ADCY2: variants seen among roughly 807,000 people sequenced by gnomAD.
ADCY2 encodes the protein adenylate cyclase type 2.
ADCY2 carries 31 observed loss-of-function variants against 125.2 expected under a neutral mutation model. That is an observed-to-expected ratio of 0.25 (90% confidence interval 0.19 to 0.33). The LOEUF is 0.33. Among genes scored for constraint, ADCY2 ranks in the 10% least tolerant of loss-of-function variants. The probability of loss-of-function intolerance (pLI) is 1.00; values close to 1 mark genes in which losing one functional copy is unlikely to be tolerated. For missense variants in ADCY2, 904 were observed against 1,418.2 expected (o/e 0.64, Z 5.82); for synonymous variants, 512 against 548.4 (o/e 0.93, Z 0.93).
rs1229200083 is a variant in ADCY2, at chr5:7,789,697, G to A, written c.2525G>A (p.Arg842Gln). ...FLWKNKFKKE[R>Q]EEIETMENLN... Reference sequence around the variant, plus strand: ...TGGAAGAACAAATTCAAAAAAGAGCGGGAGGAGATAGAGACCATGGAGAAC... The same window carrying A: ...TGGAAGAACAAATTCAAAAAAGAGCAGGAGGAGATAGAGACCATGGAGAAC... The change falls in exon 20 of 25, where the codon CGG becomes CAG. Residue 842 changes from arginine (R) to glutamine (Q), a missense_variant. Arg to Gln is a conservative substitution (Grantham distance 43). Coordinates refer to ENST00000338316, the MANE Select transcript of ADCY2 (RefSeq NM_020546.3). The A allele has an allele frequency of 4.3e-6, 7 of 1,613,994 alleles. No homozygotes were observed. Among genetic ancestry groups the A allele is most frequent in the Non-Finnish European group, 5.1e-6 (6 of 1,179,978 alleles).
intron 3 of ADCY2, among the ~76,000 whole-genome samples, chr5:7,541,196 A>G (rs1264157670): frequency 6.6e-6 from 1 of 152,194 alleles, no homozygotes; most frequent in Non-Finnish European, 1.5e-5. Flanking sequence ...CCGTTGAGAT[A>G]TTTTGTACAG....
chr5:7,439,797 A>G (rs1740941314), intron 2 of ADCY2, among the ~76,000 whole-genome samples: 1 of 152,152 alleles, frequency 6.6e-6, no homozygotes, highest in African/African-American at 2.4e-5. Context: ...ATGGATGAGG[A>G]TGGAGAAGAG....
At chr5:7,804,120 A>G (rs1252874554) in intron 21 of ADCY2, among the ~76,000 whole-genome samples, 1 of 142,848 alleles carries the variant, frequency 7.0e-6, no homozygotes, top group African/African-American at 2.6e-5. Flanking sequence ...GCTGATGACA[A>G]CCATTCTAGA....
At chr5:7,650,274 C>T (rs1034759506) in intron 4 of ADCY2, among the ~76,000 whole-genome samples, 1 of 151,614 alleles carries the variant, frequency 6.6e-6, no homozygotes, top group Admixed American at 6.6e-5. Context: ...CCTTGTCACA[C>T]TTCCTTTATT....
intron 3 of ADCY2, among the ~76,000 whole-genome samples, chr5:7,603,087 A>G (rs1737269237): frequency 6.6e-6 from 1 of 152,136 alleles, no homozygotes; most frequent in African/African-American, 2.4e-5. Context: ...ATAAGTAGCA[A>G]AGTAGAAGTG....
chr5:7,724,790 G>T (rs958885036), intron 13 of ADCY2, among the ~76,000 whole-genome samples, 176 bp downstream of exon 13: 3 of 151,870 alleles, frequency 2.0e-5, no homozygotes, highest in African/African-American at 7.3e-5. Flanking sequence ...GGTATTTCTT[G>T]TTACCAAGAT....
intron 3 of ADCY2, among the ~76,000 whole-genome samples, chr5:7,587,120 AC>A (rs148538395): frequency 0.15 from 22,566 of 152,020 alleles, 2,153 homozygotes; most frequent in Non-Finnish European, 0.21. Flanking sequence ...TCAGGTCCAA[AC>A]CCTTTCCTGC....
chr5:7,666,630 T>C (rs1432507024), intron 4 of ADCY2, among the ~76,000 whole-genome samples: 3 of 152,200 alleles, frequency 2.0e-5, no homozygotes, highest in Non-Finnish European at 4.4e-5. Flanking sequence ...AAGTCCAAGA[T>C]TGCACAGCTG....
intron 3 of ADCY2, among the ~76,000 whole-genome samples, chr5:7,606,660 CA>C (rs1353232050): frequency 1.3e-5 from 2 of 152,248 alleles, no homozygotes; most frequent in Non-Finnish European, 1.5e-5. Context: ...CTATCATACT[CA>C]GCAAACAAAG....
chr5:7,815,543 G>A (rs1287630628), intron 22 of ADCY2, among the ~76,000 whole-genome samples: 6 of 152,314 alleles, frequency 3.9e-5, no homozygotes, highest in East Asian at 1.9e-4. Context: ...TGAATTCTAC[G>A]CATATACTAA....
At chr5:7,446,111 C>A (rs1741241086) in intron 2 of ADCY2, among the ~76,000 whole-genome samples, 1 of 152,122 alleles carries the variant, frequency 6.6e-6, no homozygotes, top group African/African-American at 2.4e-5. Flanking sequence ...GGCATTTGGA[C>A]TAAAATTTTT....
intron 2 of ADCY2, among the ~76,000 whole-genome samples, chr5:7,507,249 G>T (rs1410024045): frequency 1.0e-4 from 15 of 145,862 alleles, no homozygotes; most frequent in Non-Finnish European, 1.7e-4. Context: ...AGACCATCCC[G>T]GCTAAAACGG....
At chr5:7,665,210 CT>C (rs1204874907) in intron 4 of ADCY2, among the ~76,000 whole-genome samples, 1 of 152,182 alleles carries the variant, frequency 6.6e-6, no homozygotes, top group African/African-American at 2.4e-5. Flanking sequence ...GAGTTTGACT[CT>C]TTTCATCAAC....
At chr5:7,790,518 C>T (rs1437114961) in intron 20 of ADCY2, among the ~76,000 whole-genome samples, 2 of 152,212 alleles carry the variant, frequency 1.3e-5, no homozygotes, top group Admixed American at 1.3e-4. Flanking sequence ...GCAGATATGT[C>T]TACATTTGGA....
At chr5:7,554,380 C>T (rs1435499231) in intron 3 of ADCY2, among the ~76,000 whole-genome samples, 2 of 152,070 alleles carry the variant, frequency 1.3e-5, no homozygotes, top group Non-Finnish European at 2.9e-5. Flanking sequence ...GCATTTTAAC[C>T]ATAATGGGGA....
At chr5:7,693,356 C>T (rs575223798) in intron 5 of ADCY2, among the ~76,000 whole-genome samples, 23 of 149,982 alleles carry the variant, frequency 1.5e-4, no homozygotes, top group African/African-American at 4.1e-4. Flanking sequence ...ACTGTACTTT[C>T]TCTACCGTAA....
chr5:7,686,225 T>C (rs6555484), intron 4 of ADCY2, among the ~76,000 whole-genome samples: 119,504 of 152,110 alleles, frequency 0.79, 47,595 homozygotes, highest in South Asian at 0.86. Flanking sequence ...TCCTACCAAT[T>C]GAAATAGTCT....
At chr5:7,573,782 T>G (rs1295185468) in intron 3 of ADCY2, among the ~76,000 whole-genome samples, 1 of 151,200 alleles carries the variant, frequency 6.6e-6, no homozygotes, top group Non-Finnish European at 1.5e-5. Context: ...TATTATACTT[T>G]AAGTTTTAGG....
At chr5:7,681,235 T>C (rs969320351) in intron 4 of ADCY2, among the ~76,000 whole-genome samples, 2 of 152,236 alleles carry the variant, frequency 1.3e-5, no homozygotes, top group African/African-American at 4.8e-5. Context: ...CTTTCTTCAC[T>C]TATTATTCTT....
Sources: gnomAD v4.1 joint callset for allele counts (sites outside exome capture counted in the v4.1 genomes callset) on GRCh38, gnomAD v4.1.1 for gene constraint, MANE v1.5 for transcripts, NCBI Gene and HGNC (gene_info 2026-07-23, HGNC 2026-07-21) for gene names.